The following UGT1A5 variants were observed in gnomAD, a reference collection of about 807,000 sequenced individuals.
UGT1A5 encodes the protein UDP glucuronosyltransferase family 1 member A5.
UGT1A5 carries 29 observed loss-of-function variants against 40.3 expected under a neutral mutation model. The ratio of observed to expected loss-of-function variants is 0.72; its 90% CI spans 0.54 to 0.98. The LOEUF (loss-of-function observed/expected upper bound fraction) is 0.98, where lower values mean the gene tolerates loss of function less well. UGT1A5 is among the 50% of genes least tolerant of loss of function. UGT1A5 has a pLI of 0.00. For synonymous variants in UGT1A5, 257 were observed against 262.5 expected (o/e 0.98, Z 0.20); for missense variants, 678 against 677.9 (o/e 1.00, Z 0.00).
chr2:233,765,443 C>A (rs1381375490), intron 1 of UGT1A5, among the ~76,000 whole-genome samples: 1 of 152,114 alleles, frequency 6.6e-6, no homozygotes, highest in Non-Finnish European at 1.5e-5. Flanking sequence ...GGAATGAGAT[C>A]ATATTCTTTG....
chr2:233,717,706 G>A (rs578061394), intron 1 of UGT1A5: 10 of 451,154 alleles, frequency 2.2e-5, no homozygotes, highest in African/African-American at 4.0e-5. Context: ...GGAGCAGGAC[G>A]AGCCTCATGG....
intron 1 of UGT1A5, among the ~76,000 whole-genome samples, chr2:233,726,597 T>C (rs1191602652): frequency 6.6e-6 from 1 of 152,194 alleles, no homozygotes; most frequent in Non-Finnish European, 1.5e-5. Flanking sequence ...AGAGCCCTTG[T>C]GATTACACTG....
intron 1 of UGT1A5, chr2:233,747,336 G>A (rs1693629813): frequency 6.2e-7 from 1 of 1,603,524 alleles, no homozygotes; most frequent in Admixed American, 1.7e-5. Flanking sequence ...GCAGCCACTG[G>A]CTCGCATGCG....
intron 1 of UGT1A5, among the ~76,000 whole-genome samples, chr2:233,727,024 C>T (rs1363887346): frequency 2.6e-5 from 4 of 152,054 alleles, no homozygotes; most frequent in African/African-American, 7.2e-5. Flanking sequence ...TGTTTTTGTA[C>T]CCTAAGGAAT....
chr2:233,726,048 C>T (rs2077495587), intron 1 of UGT1A5, among the ~76,000 whole-genome samples: 1 of 152,078 alleles, frequency 6.6e-6, no homozygotes, highest in African/African-American at 2.4e-5. Context: ...CACCTGTGGT[C>T]CCAGCTACTC....
At chr2:233,753,891 G>C (rs2125923136) in intron 1 of UGT1A5, among the ~76,000 whole-genome samples, 1 of 152,280 alleles carries the variant, frequency 6.6e-6, no homozygotes, top group East Asian at 1.9e-4. Context: ...CCTTCAGAAG[G>C]AACATGCTTC....
chr2:233,729,143 A>G lies in UGT1A5; in HGVS notation c.867+15285A>G, dbSNP rs28898617. Reference sequence around the variant, plus strand: ...TCTGCTGAGATGGCCACAGGACTCCAGGTTCCCCTGCCGTGGCTGGCCACA... The same window carrying G: ...TCTGCTGAGATGGCCACAGGACTCCGGGTTCCCCTGCCGTGGCTGGCCACA... On this transcript the variant is annotated intron_variant, in intron 1 of 4. Transcript: ENST00000373414. 1.4e-3 allele frequency: 2,190 copies of G among 1,613,464 alleles called. 46 individuals are homozygous for G. The East Asian group carries it at 0.046, about 34-fold the overall frequency.
In UGT1A5 at chr2:233,768,235, G is replaced by A. The variant is rs374047963; in HGVS notation, c.1103G>A (p.Arg368His). ...QNDLLGHPMT[R>H]AFITHAGSHG... ...TGCATCTCAGGTCACCCGATGACCC[G>A]TGCCTTTATCACCCATGCTGGTTCC... Residue 368 changes from arginine (R) to histidine (H), a missense_variant, in exon 4 of 5, where the codon CGT becomes CAT. Physicochemically the swap from Arg to His is conservative, Grantham distance 29. Transcript: ENST00000373414. 3.8e-5 allele frequency: 62 copies of A among 1,614,018 alleles called. No homozygotes were observed. The highest frequency in any genetic ancestry group is 1.6e-4 in the Middle Eastern group (1 of 6,084).
intron 1 of UGT1A5, among the ~76,000 whole-genome samples, chr2:233,751,636 C>T (rs915046603): frequency 2.0e-5 from 3 of 152,122 alleles, no homozygotes; most frequent in African/African-American, 7.2e-5. Flanking sequence ...GTGCAGTTTC[C>T]CCCTTGCTGT....
At chr2:233,763,733 T>C (rs528064995) in intron 1 of UGT1A5, among the ~76,000 whole-genome samples, 4 of 152,330 alleles carry the variant, frequency 2.6e-5, no homozygotes, top group South Asian at 4.1e-4. Flanking sequence ...CAACCTGGCA[T>C]TGGCGTGTCT....
chr2:233,725,060 G>A (rs969335161), intron 1 of UGT1A5, among the ~76,000 whole-genome samples: 12 of 147,180 alleles, frequency 8.2e-5, no homozygotes, highest in African/African-American at 2.0e-4. Flanking sequence ...GGCGGCGCGC[G>A]CCTGCAATCG....
In UGT1A5 at chr2:233,760,701, C is replaced by G. The variant is rs768185321; in HGVS notation, c.868-6333C>G. 6.8e-6 allele frequency: 11 copies of G among 1,614,172 alleles called. No individual in the cohort carries two copies. In the Admixed American group the frequency reaches 1.8e-4, roughly 27 times the overall value. ...TACTGCACAACAAGGAGCTCATGGCCTCCCTGGCAGAAAGCAGCTTTGATG... is the reference window on the plus strand; with the variant it reads ...TACTGCACAACAAGGAGCTCATGGCGTCCCTGGCAGAAAGCAGCTTTGATG... On this transcript the variant is annotated intron_variant, in intron 1 of 4. Transcript: ENST00000373414.
intron 1 of UGT1A5, among the ~76,000 whole-genome samples, chr2:233,731,635 T>C (rs2078185230): frequency 6.6e-6 from 1 of 152,238 alleles, no homozygotes; most frequent in Non-Finnish European, 1.5e-5. Flanking sequence ...TATGGCTGCA[T>C]AGTATTCCAT....
intron 1 of UGT1A5, chr2:233,760,361 C>T: frequency 6.2e-7 from 1 of 1,614,110 alleles, no homozygotes; most frequent in Non-Finnish European, 8.5e-7. Flanking sequence ...CCAGTGGTGT[C>T]CCATGCTGGG....
intron 1 of UGT1A5, among the ~76,000 whole-genome samples, chr2:233,756,791 A>C (rs1696326658): frequency 6.6e-6 from 1 of 152,088 alleles, no homozygotes; most frequent in Non-Finnish European, 1.5e-5. Context: ...ATTGTGGGGC[A>C]ATACACTAGT....
At chr2:233,757,676 T>G (rs986940319) in intron 1 of UGT1A5, among the ~76,000 whole-genome samples, 1 of 151,088 alleles carries the variant, frequency 6.6e-6, no homozygotes, top group African/African-American at 2.4e-5. Flanking sequence ...ATTCAAGGAA[T>G]TCAAGGGATT....
chr2:233,724,301 C>T (rs2077213745), intron 1 of UGT1A5, among the ~76,000 whole-genome samples: 1 of 144,624 alleles, frequency 6.9e-6, no homozygotes, highest in Admixed American at 6.8e-5. Context: ...ACCCCCCCAC[C>T]TCCCTCCCGG....
At chr2:233,716,532 T>G (rs570808128) in intron 1 of UGT1A5, among the ~76,000 whole-genome samples, 3 of 152,316 alleles carry the variant, frequency 2.0e-5, no homozygotes, top group African/African-American at 7.2e-5. Flanking sequence ...TTCAATTATC[T>G]CCTTTCTCTC....
rs375123865 is a variant in UGT1A5, at chr2:233,769,419, A to G, written c.1307+980A>G. ...TGCATATGTGCGTGTGCGTTTGTGC[A>G]TGTGGCTGTGCTCATGTGTGGGTGC... On this transcript the variant is annotated intron_variant, in intron 4 of 4. Transcript: ENST00000373414. The surrounding 1 kb of genome is among the most constrained non-coding windows in gnomAD (Gnocchi z 4.4). 1.9e-5 allele frequency: 27 copies of G among 1,449,888 alleles called. No individual in the cohort carries two copies. The highest frequency in any genetic ancestry group is 3.6e-4 in the Middle Eastern group (2 of 5,546). The allele number at this position is 1,449,888 out of a possible 1,614,324, so 89.8% of individuals were successfully genotyped here.
Sources: gnomAD v4.1 joint callset for allele counts (sites outside exome capture counted in the v4.1 genomes callset) on GRCh38, gnomAD v4.1.1 for gene constraint, Gnocchi (gnomAD v3.1) non-coding constraint, MANE v1.5 for transcripts, NCBI Gene and HGNC (gene_info 2026-07-23, HGNC 2026-07-21) for gene names.